Variants in PLXDC2 observed in about 807,000 individuals in gnomAD.
PLXDC2 encodes the protein plexin domain-containing protein 2.
A neutral mutation model predicts 68.9 loss-of-function variants in PLXDC2; 40 were observed. The observed-to-expected ratio is 0.58, with a 90% CI of 0.45 to 0.76. PLXDC2 has a LOEUF of 0.76. PLXDC2 is among the 30% of genes least tolerant of loss of function. PLXDC2 has a pLI of 0.00. For missense variants in PLXDC2, 644 were observed against 661.9 expected (o/e 0.97, Z 0.30); for synonymous variants, 243 against 234.2 (o/e 1.04, Z -0.34).
At chr10:19,867,670 A>G (rs1217128568) in intron 1 of PLXDC2, among the ~76,000 whole-genome samples, 1 of 152,040 alleles carries the variant, frequency 6.6e-6, no homozygotes, top group East Asian at 1.9e-4. Context: ...AGGCTTCTAG[A>G]GGCCACTCAC....
intron 4 of PLXDC2, among the ~76,000 whole-genome samples, chr10:20,110,861 C>A (rs1030283605): frequency 6.6e-6 from 1 of 152,214 alleles, no homozygotes; most frequent in African/African-American, 2.4e-5. Flanking sequence ...ATTCCCCACA[C>A]AGACTCTGTT....
chr10:20,161,408 G>T (rs371965847), intron 6 of PLXDC2, among the ~76,000 whole-genome samples: 1 of 150,694 alleles, frequency 6.6e-6, no homozygotes, highest in Non-Finnish European at 1.5e-5. Context: ...TGTAGCAAGG[G>T]TCCAAGAAAG....
At chr10:20,230,767 CAAAA>C (rs1279231737) in intron 12 of PLXDC2, among the ~76,000 whole-genome samples, 2 of 65,208 alleles carry the variant, frequency 3.1e-5, no homozygotes, top group Admixed American at 1.6e-4. Context: ...TTAAGTTAGA[CAAAA>C]AAAAAAAATT....
intron 1 of PLXDC2, among the ~76,000 whole-genome samples, chr10:19,852,488 T>C (rs185162190): frequency 4.0e-4 from 54 of 135,740 alleles, no homozygotes; most frequent in African/African-American, 1.4e-3. Flanking sequence ...CTCCTTTGCA[T>C]ATTAAACCTT....
At position 20,057,553 on chromosome 10, in the gene PLXDC2, C is replaced by T. The variant is rs541617978; in HGVS notation, c.471+10538C>T. The stretch of plus-strand genomic sequence containing the variant: ...TCTAGTGTTCTAGACATAGTATTCC[C>T]ATCGGAATTCCCAGCCCCAGAGAAT... On this transcript the variant is annotated intron_variant, in intron 3 of 13. Transcript: ENST00000377252. 2.2e-3 allele frequency among the ~76,000 whole-genome samples: 334 copies of T among 152,136 alleles called. 4 individuals carry two copies. Among genetic ancestry groups the T allele is most frequent in the African/African-American group, 7.2e-3 (298 of 41,506 alleles).
At chr10:19,961,072 A>T (rs920133687) in intron 1 of PLXDC2, among the ~76,000 whole-genome samples, 10 of 152,198 alleles carry the variant, frequency 6.6e-5, no homozygotes, top group African/African-American at 2.4e-4. Flanking sequence ...TGTTAGCAGG[A>T]TGCTTCCTGT....
At chr10:20,044,229 CTTTCTTTCTTTCTTTCTTT>C (rs1835748548) in intron 2 of PLXDC2, among the ~76,000 whole-genome samples, 1 of 68,746 alleles carries the variant, frequency 1.5e-5, no homozygotes, top group African/African-American at 7.3e-5. Context: ...TTCTTTCTTT[CTTTCTTTCTTTCTTTCTTT>C]CTTTCTTTCT....
chr10:19,886,873 C>T (rs1281555962), intron 1 of PLXDC2, among the ~76,000 whole-genome samples: 1 of 152,174 alleles, frequency 6.6e-6, no homozygotes, highest in Non-Finnish European at 1.5e-5. Flanking sequence ...TTCAACTCAA[C>T]AGAAAATGAC....
intron 6 of PLXDC2, among the ~76,000 whole-genome samples, chr10:20,156,936 T>C (rs1834224796): frequency 1.3e-5 from 2 of 152,234 alleles, no homozygotes; most frequent in South Asian, 2.1e-4. Flanking sequence ...GTTTGTTTTG[T>C]AGAGACAGTT....
intron 1 of PLXDC2, among the ~76,000 whole-genome samples, chr10:19,949,640 G>C (rs1479019574): frequency 6.6e-6 from 1 of 152,200 alleles, no homozygotes; most frequent in Non-Finnish European, 1.5e-5. Flanking sequence ...CTGATTTGCT[G>C]TGTGAATATG....
At chr10:19,867,536 A>T (rs941524115) in intron 1 of PLXDC2, among the ~76,000 whole-genome samples, 1 of 152,150 alleles carries the variant, frequency 6.6e-6, no homozygotes, top group Admixed American at 6.6e-5. Flanking sequence ...TTTTTAAGCT[A>T]TTATTACCTT....
chr10:19,866,821 G>T (rs575207503), intron 1 of PLXDC2, among the ~76,000 whole-genome samples: 1 of 152,160 alleles, frequency 6.6e-6, no homozygotes, highest in Non-Finnish European at 1.5e-5. Flanking sequence ...ATACATGGAG[G>T]TTATACATTG....
chr10:20,133,003 C>T (rs1164117850), intron 4 of PLXDC2, among the ~76,000 whole-genome samples: 1 of 151,968 alleles, frequency 6.6e-6, no homozygotes. Flanking sequence ...ATTTTTCCTT[C>T]GTGGTTACCA....
At chr10:20,273,814 C>T (rs187255588) in intron 13 of PLXDC2, among the ~76,000 whole-genome samples, 13 of 152,160 alleles carry the variant, frequency 8.5e-5, no homozygotes, top group South Asian at 8.3e-4. Flanking sequence ...GCTAGAAGTT[C>T]GAGACCAGTC....
intron 3 of PLXDC2, among the ~76,000 whole-genome samples, chr10:20,063,701 A>G (rs1371136823): frequency 6.6e-6 from 1 of 152,220 alleles, no homozygotes; most frequent in African/African-American, 2.4e-5. Context: ...GAAATCTAGG[A>G]GTATGACCTG....
intron 1 of PLXDC2, among the ~76,000 whole-genome samples, chr10:19,825,327 A>G (rs950601118): frequency 3.3e-5 from 5 of 152,298 alleles, no homozygotes; most frequent in East Asian, 1.9e-4. Flanking sequence ...AGTTTGCCCT[A>G]TGGAAAAACT....
At chr10:20,010,943 A>G (rs1835102357) in intron 2 of PLXDC2, among the ~76,000 whole-genome samples, 1 of 152,190 alleles carries the variant, frequency 6.6e-6, no homozygotes, top group Admixed American at 6.5e-5. Context: ...AGTAACAGTC[A>G]ATCAGCTGAC....
intron 7 of PLXDC2, among the ~76,000 whole-genome samples, chr10:20,175,094 T>G (rs1834508404): frequency 6.6e-6 from 1 of 152,172 alleles, no homozygotes; most frequent in African/African-American, 2.4e-5. Context: ...TCTATAGAGA[T>G]TATATTATTA....
At chr10:20,104,540 T>C (rs980821431) in intron 4 of PLXDC2, among the ~76,000 whole-genome samples, 3 of 152,234 alleles carry the variant, frequency 2.0e-5, no homozygotes, top group Non-Finnish European at 4.4e-5. Flanking sequence ...GTTGTTTTTC[T>C]AATGAAAGTA....
Sources: gnomAD v4.1 joint callset for allele counts (sites outside exome capture counted in the v4.1 genomes callset) on GRCh38, gnomAD v4.1.1 for gene constraint, MANE v1.5 for transcripts, NCBI Gene and HGNC (gene_info 2026-07-23, HGNC 2026-07-21) for gene names.